Variants in SEPTIN6 observed in about 807,000 individuals in gnomAD.
The protein encoded by SEPTIN6 is septin 6.
A neutral mutation model predicts 33.6 loss-of-function variants in SEPTIN6; 8 were observed. The ratio of observed to expected loss-of-function variants is 0.24; its 90% confidence interval spans 0.14 to 0.43. The LOEUF (loss-of-function observed/expected upper bound fraction) is 0.43, where lower values mean the gene tolerates loss of function less well. Among genes scored for constraint, SEPTIN6 ranks in the 20% least tolerant of loss-of-function variants. SEPTIN6 has a pLI of 1.00. For missense variants in SEPTIN6, 250 were observed against 340.8 expected, an observed-to-expected ratio of 0.73 and a Z score of 2.10; for synonymous variants, 131 against 140.0, an observed-to-expected ratio of 0.94 and a Z score of 0.45.
At chrX:119,678,745 G>A (rs2054891983) in intron 1 of SEPTIN6, among the ~76,000 whole-genome samples, 1 of 110,679 alleles carries the variant, frequency 9.0e-6, no homozygotes, top group East Asian at 2.8e-4. Flanking sequence ...AGCCTCCGAT[G>A]TAGCAGGCAT....
At chrX:119,684,494 T>G (rs1394783228) in intron 1 of SEPTIN6, among the ~76,000 whole-genome samples, 1 of 99,978 alleles carries the variant, frequency 1.0e-5, no homozygotes, top group African/African-American at 3.7e-5. Flanking sequence ...TTTTTTTTTT[T>G]TTTTTTTTTT....
intron 8 of SEPTIN6, among the ~76,000 whole-genome samples, chrX:119,630,842 G>A (rs2053945237): frequency 9.2e-6 from 1 of 108,699 alleles, no homozygotes; most frequent in Non-Finnish European, 1.9e-5. Context: ...TCAGTGAGCC[G>A]AGATCGCACC....
In SEPTIN6 at chrX:119,617,993, C is replaced by A. The variant is rs892744409; in HGVS notation, c.*2100G>T. The A allele has an allele frequency of 2.5e-6, 2 of 800,322 alleles. No individual in the cohort carries two copies. Among genetic ancestry groups the A allele is most frequent in the Admixed American group, 8.0e-5 (1 of 12,577 alleles). 66.0% of individuals were successfully genotyped at this position (800,322 alleles called of 1,213,427 possible). A position where few individuals can be genotyped will look rare whatever the true frequency, so the allele number is the denominator to read the frequency against. ...TGTAATGCAAATAATTACCGGGCGG[C>A]GGTGTGGGGAAGTGGTGGTTACCGG... is the stretch of plus-strand genomic sequence containing the variant. On this transcript the variant is annotated 3_prime_UTR_variant, in exon 11 of 11. Coordinates refer to ENST00000394610, the MANE Select transcript of SEPTIN6 (RefSeq NM_145799.4).
chrX:119,635,959 TGAAGGAGGAGG>T (rs771816000), intron 7 of SEPTIN6, among the ~76,000 whole-genome samples: 38 of 109,397 alleles, frequency 3.5e-4, no homozygotes, highest in Non-Finnish European at 6.1e-4. Context: ...CAGGATGGAG[TGAAGGAGGAGG>T]GAAGGAGACA....
intron 3 of SEPTIN6, 46 bp downstream of exon 3, chrX:119,663,436 C>A: frequency 9.6e-7 from 1 of 1,044,975 alleles, no homozygotes; most frequent in South Asian, 2.1e-5. Flanking sequence ...TCTCTGCGGC[C>A]CTCTACCAAC....
chrX:119,618,857 T>C lies in SEPTIN6; in HGVS notation c.*1236A>G. 3.3e-6 allele frequency: 4 copies of C among 1,202,403 alleles called. No homozygotes were observed. The highest frequency in any genetic ancestry group is 4.5e-6 in the Non-Finnish European group (4 of 890,803). ...GCCAGGTCAACTCCATCTCTCACACTGTCACTGGCCAAACACCAAAGGCCA... is the reference window on the plus strand; with the variant it reads ...GCCAGGTCAACTCCATCTCTCACACCGTCACTGGCCAAACACCAAAGGCCA... On this transcript the variant is annotated 3_prime_UTR_variant, in exon 11 of 11. Transcript: ENST00000394610.
At chrX:119,644,812 C>G (rs867240359) in intron 5 of SEPTIN6, among the ~76,000 whole-genome samples, 8 of 109,447 alleles carry the variant, frequency 7.3e-5, no homozygotes, top group African/African-American at 2.7e-4. Context: ...GATCGCACCA[C>G]TGCACTGCAG....
At chrX:119,650,891 T>C (rs2054339025) in intron 4 of SEPTIN6, among the ~76,000 whole-genome samples, 4 of 111,847 alleles carry the variant, frequency 3.6e-5, no homozygotes, top group Admixed American at 1.9e-4. Flanking sequence ...AAATGCCCAA[T>C]TTCAGGCATC....
intron 2 of SEPTIN6, among the ~76,000 whole-genome samples, chrX:119,665,103 CTTTT>C (rs779678789): frequency 2.2e-5 from 2 of 91,771 alleles, no homozygotes; most frequent in African/African-American, 4.3e-5. Flanking sequence ...TCTTCTTCTT[CTTTT>C]TTTTTTTTTT....
rs1262678832 is a variant in SEPTIN6 at position 119,619,256 on chromosome X, C to A, written c.*837G>T. On this transcript the variant is annotated 3_prime_UTR_variant, in exon 11 of 11. Transcript: ENST00000394610. ...CAGTATGGAGCCCTTCCGGAAATTA[C>A]CCCCCGAGATGCTGAAATACCTCAC... The A allele has an allele frequency of 1.2e-6, 1 of 815,478 alleles. No homozygotes were observed. The highest frequency in any genetic ancestry group is 7.4e-5 in the Admixed American group (1 of 13,589). 67.2% of individuals were successfully genotyped at this position (815,478 alleles called of 1,213,427 possible). A position where few individuals can be genotyped will look rare whatever the true frequency, so the allele number is the denominator to read the frequency against.
Position 119,617,149 on chromosome X carries a change from T to TGTGTGTGTGTGTGTGTG in SEPTIN6, c.*2943_*2944insCACACACACACACACAC. 1 of 718,121 alleles carries TGTGTGTGTGTGTGTGTG rather than the reference T, an allele frequency of 1.4e-6. No individual in the cohort carries two copies. Among genetic ancestry groups the TGTGTGTGTGTGTGTGTG allele is most frequent in the East Asian group, 7.4e-5 (1 of 13,480 alleles). 59.2% of individuals were successfully genotyped at this position (718,121 alleles called of 1,213,427 possible). A position where few individuals can be genotyped will look rare whatever the true frequency, so the allele number is the denominator to read the frequency against. On this transcript the variant is annotated 3_prime_UTR_variant, in exon 11 of 11. Coordinates refer to ENST00000394610, the MANE Select transcript of SEPTIN6 (RefSeq NM_145799.4). The stretch of plus-strand genomic sequence containing the variant: ...GTGTGTGTGTGTGTGTGTGTGTGTG[T>TGTGTGTGTGTGTGTGTG]TTCAGAAAAGCCACTCCAGTCTGGG...
Position 119,619,437 on chromosome X carries a change from G to A in SEPTIN6, c.*656C>T. ...TTGTGTTTTATGGGAAGGGCTTGGT[G>A]TAAATAAATGCGTTGCCGATTTTGA... is the stretch of plus-strand genomic sequence containing the variant. On this transcript the variant is annotated 3_prime_UTR_variant, in exon 11 of 11. Transcript: ENST00000394610. 1.2e-6 allele frequency: 1 copy of A among 815,172 alleles called. No individual in the cohort carries two copies. The highest frequency in any genetic ancestry group is 1.5e-6 in the Non-Finnish European group (1 of 676,865). 67.2% of individuals were successfully genotyped at this position (815,172 alleles called of 1,213,427 possible).
At chrX:119,640,236 G>A (rs1486532126) in intron 6 of SEPTIN6, among the ~76,000 whole-genome samples, 3 of 96,312 alleles carry the variant, frequency 3.1e-5, no homozygotes, top group Non-Finnish European at 6.1e-5. Flanking sequence ...GGCCAGGATG[G>A]TCTCAATCTC....
chrX:119,673,821 G>A (rs1476753773), intron 2 of SEPTIN6, among the ~76,000 whole-genome samples: 1 of 80,377 alleles, frequency 1.2e-5, no homozygotes, highest in Non-Finnish European at 2.2e-5. Flanking sequence ...CAGTCTGGGT[G>A]ACAGCACAAG....
chrX:119,672,310 G>A (rs908800418), intron 2 of SEPTIN6, among the ~76,000 whole-genome samples: 2 of 111,475 alleles, frequency 1.8e-5, no homozygotes, highest in African/African-American at 6.5e-5. Context: ...TTCCATCCCA[G>A]CAGGTGCAAG....
chrX:119,652,143 C>T (rs769546071), intron 4 of SEPTIN6, among the ~76,000 whole-genome samples: 2 of 112,011 alleles, frequency 1.8e-5, no homozygotes, highest in African/African-American at 3.2e-5. Flanking sequence ...AGGCTGGTCT[C>T]GAACTCCTGA....
At chrX:119,636,338 A>G (rs2054060641) in intron 7 of SEPTIN6, among the ~76,000 whole-genome samples, 1 of 112,112 alleles carries the variant, frequency 8.9e-6, no homozygotes, top group Non-Finnish European at 1.9e-5. Flanking sequence ...TCACGCATAT[A>G]GATCAGACAC....
At position 119,693,148 on chromosome X, in the gene SEPTIN6, G is replaced by C. The variant is rs1014252346; in HGVS notation, c.-43C>G. ...GGGCTGCCACGGGTGCCGCCGCAACGGGAGCTACTGCACAGGAAACAGAGG... is the reference window on the plus strand; with the variant it reads ...GGGCTGCCACGGGTGCCGCCGCAACCGGAGCTACTGCACAGGAAACAGAGG... On this transcript the variant is annotated 5_prime_UTR_variant, in exon 1 of 11. Transcript: ENST00000394610. 3.5e-6 allele frequency: 4 copies of C among 1,153,324 alleles called. No individual in the cohort carries two copies. The highest frequency in any genetic ancestry group is 3.5e-6 in the Non-Finnish European group (3 of 860,066).
Position 119,618,812 on chromosome X carries a change from C to A in SEPTIN6, c.*1281G>T. The A allele has an allele frequency of 8.3e-7, 1 of 1,209,668 alleles. No homozygotes were observed. The highest frequency in any genetic ancestry group is 3.0e-5 in the East Asian group (1 of 33,700). Reference sequence around the variant, plus strand: ...CTGCAAAGGAAGGGCAGAGAGACGGCATGTTAGCCACAGATCATTGCCAGG... The same window carrying A: ...CTGCAAAGGAAGGGCAGAGAGACGGAATGTTAGCCACAGATCATTGCCAGG... On this transcript the variant is annotated 3_prime_UTR_variant, in exon 11 of 11. Coordinates refer to ENST00000394610, the MANE Select transcript of SEPTIN6 (RefSeq NM_145799.4).
Sources: allele counts gnomAD v4.1 joint callset (sites outside exome capture counted in the v4.1 genomes callset), GRCh38; gene constraint gnomAD v4.1.1; transcripts MANE v1.5; gene names NCBI Gene and HGNC (gene_info 2026-07-23, HGNC 2026-07-21).